LSAMP: variants seen among roughly 807,000 people sequenced by gnomAD.
LSAMP encodes the protein limbic system associated membrane protein.
LSAMP carries 7 observed loss-of-function variants against 38.6 expected under a neutral mutation model. The ratio of observed to expected loss-of-function variants is 0.18; its 90% CI spans 0.10 to 0.34. LSAMP has a LOEUF of 0.34. Among genes scored for constraint, LSAMP ranks in the 10% least tolerant of loss-of-function variants. The pLI is 1.00. For missense variants in LSAMP, 313 were observed against 420.0 expected (o/e 0.75, Z 2.23); for synonymous variants, 154 against 166.8 (o/e 0.92, Z 0.59).
chr3:116,000,411 G>A (rs1939956661), intron 3 of LSAMP, among the ~76,000 whole-genome samples: 1 of 152,106 alleles, frequency 6.6e-6, no homozygotes, highest in Admixed American at 6.6e-5. Context: ...GAATTCCATG[G>A]CAGACTATGT....
chr3:116,164,618 AT>A (rs1709989533), intron 1 of LSAMP, among the ~76,000 whole-genome samples: 8 of 134,040 alleles, frequency 6.0e-5, no homozygotes, highest in South Asian at 4.6e-4. Context: ...ATATATATAT[AT>A]ATAATCCAAA....
At chr3:116,127,784 T>A (rs955399187) in intron 1 of LSAMP, among the ~76,000 whole-genome samples, 2 of 150,466 alleles carry the variant, frequency 1.3e-5, no homozygotes, top group Non-Finnish European at 3.0e-5. Context: ...CTTTTTTTAA[T>A]AATGGGAATA....
chr3:116,258,322 C>T lies in LSAMP; in HGVS notation c.156-171766G>A, dbSNP rs185997863. 8.8e-4 allele frequency among the ~76,000 whole-genome samples: 133 copies of T among 150,958 alleles called. 2 individuals carry two copies. In the East Asian group the frequency reaches 0.02, roughly 23 times the overall value. On this transcript the variant is annotated intron_variant, in intron 1 of 6. Transcript: ENST00000490035. ...GAATTCTCAGTAGCTTTCAAAATAT[C>T]TTTTATTATCTGAGTATTACCAACA... is the stretch of plus-strand genomic sequence containing the variant.
intron 1 of LSAMP, among the ~76,000 whole-genome samples, chr3:116,090,210 TAAA>T (rs11328666): frequency 7.1e-5 from 9 of 126,654 alleles, no homozygotes; most frequent in Admixed American, 8.0e-5. Flanking sequence ...AGACCTTGTC[TAAA>T]AAAAAAAAAA....
chr3:116,018,897 C>T (rs1940557647), intron 3 of LSAMP, among the ~76,000 whole-genome samples: 1 of 152,040 alleles, frequency 6.6e-6, no homozygotes, highest in South Asian at 2.1e-4. Flanking sequence ...GCAGCTTAGT[C>T]CATGTCTGAT....
chr3:116,419,517 G>C (rs1265261710), intron 1 of LSAMP, among the ~76,000 whole-genome samples: 1 of 152,166 alleles, frequency 6.6e-6, no homozygotes, highest in East Asian at 1.9e-4. Context: ...ACAGTGAGGA[G>C]CTAGAAGCCA....
At chr3:116,019,162 G>GTT (rs1940566798) in intron 3 of LSAMP, among the ~76,000 whole-genome samples, 1 of 135,594 alleles carries the variant, frequency 7.4e-6, no homozygotes, top group Non-Finnish European at 1.6e-5. Flanking sequence ...GTGGGTGGGG[G>GTT]GGGGGGGGCT....
chr3:116,360,094 G>A, intron 1 of LSAMP: 1 of 153,154 alleles, frequency 6.5e-6, no homozygotes. Context: ...TCCATCTGAG[G>A]TACTGGGTTC....
At position 115,964,392 on chromosome 3, in the gene LSAMP, A is replaced by G. The variant is rs370440368; in HGVS notation, c.514+55123T>C. Among the ~76,000 whole-genome samples, 12 of 152,270 alleles carry G rather than the reference A, an allele frequency of 7.9e-5. No individual in the cohort carries two copies. The East Asian group carries it at 1.5e-3, about 20-fold the overall frequency. ...ACTATATAAATGCAGCAATAGTCATATATACAGAAGTACATCCATGTAGGT... is the reference window on the plus strand; with the variant it reads ...ACTATATAAATGCAGCAATAGTCATGTATACAGAAGTACATCCATGTAGGT... On this transcript the variant is annotated intron_variant, in intron 3 of 6. Coordinates refer to ENST00000490035, the MANE Select transcript of LSAMP (RefSeq NM_002338.5).
intron 4 of LSAMP, among the ~76,000 whole-genome samples, chr3:115,849,654 A>C (rs748699175): frequency 1.3e-5 from 2 of 152,210 alleles, no homozygotes; most frequent in Non-Finnish European, 2.9e-5. Flanking sequence ...ATGAAGTGAC[A>C]GAGGTGATCC....
At chr3:115,849,722 C>A (rs1396483835) in intron 4 of LSAMP, among the ~76,000 whole-genome samples, 2 of 152,146 alleles carry the variant, frequency 1.3e-5, no homozygotes, top group Non-Finnish European at 2.9e-5. Context: ...ATAATTCAAT[C>A]TGAGAGGCTT....
chr3:116,230,778 T>C lies in LSAMP; in HGVS notation c.156-144222A>G, dbSNP rs1025711215. 5.3e-5 allele frequency among the ~76,000 whole-genome samples: 8 copies of C among 152,152 alleles called. No individual in the cohort carries two copies. In the East Asian group the frequency reaches 1.5e-3, roughly 29 times the overall value. ...CTAGTAATTAATGCCGTTAGCTTTG[T>C]AATTAAAAAAAAACTTTTTGCCTTT... On this transcript the variant is annotated intron_variant, in intron 1 of 6. Coordinates refer to ENST00000490035, the MANE Select transcript of LSAMP (RefSeq NM_002338.5).
chr3:115,861,122 CTTCT>C (rs1360871882), intron 3 of LSAMP, among the ~76,000 whole-genome samples: 2,495 of 85,748 alleles, frequency 0.029, 194 homozygotes, highest in Non-Finnish European at 0.035. Context: ...TCCCTCCTTC[CTTCT>C]TTCTTTCCTT....
chr3:116,252,244 C>A (rs780178077), intron 1 of LSAMP, among the ~76,000 whole-genome samples: 20 of 152,262 alleles, frequency 1.3e-4, no homozygotes, highest in Non-Finnish European at 2.5e-4. Context: ...TGATGGTACC[C>A]ACTTAAGGAG....
At chr3:116,442,523 A>C (rs908767341) in intron 1 of LSAMP, among the ~76,000 whole-genome samples, 13 of 152,126 alleles carry the variant, frequency 8.5e-5, no homozygotes, top group Non-Finnish European at 1.6e-4. Context: ...TCACCAGGAA[A>C]CTGACCCAGA....
intron 6 of LSAMP, among the ~76,000 whole-genome samples, chr3:115,839,820 A>G (rs1270879912): frequency 1.3e-5 from 2 of 152,218 alleles, no homozygotes; most frequent in East Asian, 3.9e-4. Context: ...CTACTAAATC[A>G]TAAAGGGCAG....
intron 1 of LSAMP, among the ~76,000 whole-genome samples, chr3:116,193,611 A>G (rs952905471): frequency 5.3e-5 from 8 of 152,356 alleles, no homozygotes; most frequent in African/African-American, 1.9e-4. Context: ...ATTGTGCTAG[A>G]CAATGACTGA....
At chr3:115,956,316 G>T (rs866563501) in intron 3 of LSAMP, among the ~76,000 whole-genome samples, 14 of 150,802 alleles carry the variant, frequency 9.3e-5, no homozygotes, top group African/African-American at 3.2e-4. Context: ...GGAATGAGCA[G>T]CTGTGCATCA....
At chr3:115,908,752 T>A (rs1937070854) in intron 3 of LSAMP, among the ~76,000 whole-genome samples, 1 of 152,170 alleles carries the variant, frequency 6.6e-6, no homozygotes, top group African/African-American at 2.4e-5. Flanking sequence ...ATCTTAGACA[T>A]GGAATTTGCA....
Sources: gnomAD v4.1 joint callset for allele counts (sites outside exome capture counted in the v4.1 genomes callset) on GRCh38, gnomAD v4.1.1 for gene constraint, MANE v1.5 for transcripts, NCBI Gene and HGNC (gene_info 2026-07-23, HGNC 2026-07-21) for gene names.